RUNX1: variants seen among roughly 807,000 people sequenced by gnomAD.
The protein encoded by RUNX1 is runt-related transcription factor 1.
RUNX1 carries 19 observed loss-of-function variants against 42.8 expected under a neutral mutation model. That is an observed-to-expected ratio of 0.44 (90% CI 0.31 to 0.65). The LOEUF (loss-of-function observed/expected upper bound fraction) is 0.65. RUNX1 is among the 30% of genes least tolerant of loss of function. The pLI, the probability that RUNX1 is intolerant of heterozygous loss-of-function variation, is 0.07. For missense variants in RUNX1, 528 were observed against 672.0 expected (o/e 0.79, Z 2.37); for synonymous variants, 271 against 289.4 (o/e 0.94, Z 0.64).
chr21:34,793,281 C>T (rs138850381), intron 8 of RUNX1, among the ~76,000 whole-genome samples: 1,633 of 151,562 alleles, frequency 0.011, 11 homozygotes, highest in Middle Eastern at 0.048. Context: ...TAATATAATA[C>T]GGTAATATAG....
intron 6 of RUNX1, among the ~76,000 whole-genome samples, chr21:34,854,908 C>T (rs549397001): frequency 5.9e-5 from 9 of 152,238 alleles, no homozygotes; most frequent in African/African-American, 2.2e-4. Flanking sequence ...CTGGGTTACA[C>T]CTTTCCAAAA....
intron 2 of RUNX1, among the ~76,000 whole-genome samples, chr21:34,903,078 A>T (rs1176704537): frequency 6.6e-6 from 1 of 152,252 alleles, no homozygotes; most frequent in Non-Finnish European, 1.5e-5. Flanking sequence ...AAGTATACAC[A>T]TAAAAATAAC....
At chr21:34,894,498 G>A (rs1177937579) in intron 2 of RUNX1, among the ~76,000 whole-genome samples, 1 of 152,110 alleles carries the variant, frequency 6.6e-6, no homozygotes, top group Non-Finnish European at 1.5e-5. Flanking sequence ...GGAGGGGGAA[G>A]GGGTAGGGGG....
intron 2 of RUNX1, among the ~76,000 whole-genome samples, chr21:34,992,242 C>T (rs942572608): frequency 1.4e-4 from 22 of 152,110 alleles, no homozygotes; most frequent in Admixed American, 9.2e-4. Flanking sequence ...AAGTTCTGCC[C>T]GGTGGTGGAT....
intron 2 of RUNX1, among the ~76,000 whole-genome samples, chr21:34,913,620 C>G (rs1371491633): frequency 6.6e-6 from 1 of 152,182 alleles, no homozygotes; most frequent in South Asian, 2.1e-4. Context: ...TTTGCACCAC[C>G]CTATGCCACA....
intron 7 of RUNX1, among the ~76,000 whole-genome samples, chr21:34,807,243 A>T (rs2145937974): frequency 6.6e-6 from 1 of 152,240 alleles, no homozygotes; most frequent in Non-Finnish European, 1.5e-5. Flanking sequence ...GAGAAGATGG[A>T]TAGAGACCCC....
At chr21:34,866,146 T>C (rs1337852995) in intron 5 of RUNX1, among the ~76,000 whole-genome samples, 2 of 152,178 alleles carry the variant, frequency 1.3e-5, no homozygotes, top group Non-Finnish European at 2.9e-5. Flanking sequence ...ACTTGCCCTT[T>C]GTCACGCAAA....
At chr21:34,815,909 G>T (rs942868264) in intron 7 of RUNX1, among the ~76,000 whole-genome samples, 2 of 152,152 alleles carry the variant, frequency 1.3e-5, no homozygotes, top group Non-Finnish European at 2.9e-5. Flanking sequence ...GGGCTCACTA[G>T]CTTAGTTAGC....
chr21:35,004,129 T>C (rs2146886338), intron 2 of RUNX1, among the ~76,000 whole-genome samples: 1 of 152,150 alleles, frequency 6.6e-6, no homozygotes, highest in East Asian at 1.9e-4. Flanking sequence ...CATGGTCCAG[T>C]CAAAGAAGGG....
intron 2 of RUNX1, among the ~76,000 whole-genome samples, chr21:35,013,155 C>T (rs2059137434): frequency 6.6e-6 from 1 of 152,304 alleles, no homozygotes; most frequent in Non-Finnish European, 1.5e-5. Context: ...ACATCATTTA[C>T]CTTCTTTAAA....
intron 2 of RUNX1, among the ~76,000 whole-genome samples, chr21:34,993,575 GCACA>G (rs200545300): frequency 3.5e-5 from 1 of 28,278 alleles, no homozygotes; most frequent in South Asian, 1.1e-3. Context: ...ACACACACAG[GCACA>G]CACACAGACA....
chr21:35,020,679 C>T (rs1005957876), intron 2 of RUNX1, among the ~76,000 whole-genome samples: 5 of 152,218 alleles, frequency 3.3e-5, no homozygotes, highest in South Asian at 2.1e-4. Flanking sequence ...CTTGCCCCAT[C>T]ATCCATCTCA....
intron 2 of RUNX1, among the ~76,000 whole-genome samples, chr21:34,900,561 T>A (rs1324046630): frequency 6.6e-6 from 1 of 152,232 alleles, no homozygotes; most frequent in Non-Finnish European, 1.5e-5. Flanking sequence ...AGAACACACA[T>A]ACTCAGCAGC....
intron 6 of RUNX1, among the ~76,000 whole-genome samples, chr21:34,857,704 C>G (rs1162360118): frequency 6.6e-6 from 1 of 152,170 alleles, no homozygotes; most frequent in South Asian, 2.1e-4. Context: ...AGGCCCCTTG[C>G]CATAATTCAA....
intron 6 of RUNX1, among the ~76,000 whole-genome samples, chr21:34,858,412 G>T (rs1250566246): frequency 1.3e-5 from 2 of 152,160 alleles, no homozygotes; most frequent in Admixed American, 1.3e-4. Flanking sequence ...CAGGCACACA[G>T]CATCATTTGG....
intron 4 of RUNX1, among the ~76,000 whole-genome samples, chr21:34,883,118 C>T (rs1049655343): frequency 6.6e-6 from 1 of 152,204 alleles, no homozygotes; most frequent in Non-Finnish European, 1.5e-5. Flanking sequence ...GGTAATTTGG[C>T]AAATTCAGGA....
At chr21:34,870,068 G>A (rs958692267) in intron 5 of RUNX1, among the ~76,000 whole-genome samples, 1 of 152,268 alleles carries the variant, frequency 6.6e-6, no homozygotes, top group East Asian at 1.9e-4. Context: ...GAATCTCAGG[G>A]CCTGCCGCAT....
intron 2 of RUNX1, among the ~76,000 whole-genome samples, chr21:34,894,783 G>C (rs2058115355): frequency 6.6e-6 from 1 of 151,566 alleles, no homozygotes. Flanking sequence ...ATCCTCACAA[G>C]AACATCATTG....
At chr21:34,916,785 C>T (rs2058315190) in intron 2 of RUNX1, among the ~76,000 whole-genome samples, 1 of 152,130 alleles carries the variant, frequency 6.6e-6, no homozygotes, top group Admixed American at 6.5e-5. Flanking sequence ...AGGGCCCAGG[C>T]AGAACAGAAG....
Sources: allele counts gnomAD v4.1 joint callset (sites outside exome capture counted in the v4.1 genomes callset), GRCh38; gene constraint gnomAD v4.1.1; transcripts MANE v1.5; gene names NCBI Gene and HGNC (gene_info 2026-07-23, HGNC 2026-07-21).